ADAM7: variants seen among roughly 807,000 people sequenced by gnomAD.
The protein encoded by ADAM7 is disintegrin and metalloproteinase domain-containing protein 7.
In ADAM7, 97 loss-of-function variants were observed where a neutral mutation model predicts 102.9. The observed-to-expected ratio is 0.94, with a 90% CI of 0.80 to 1.12. The LOEUF (loss-of-function observed/expected upper bound fraction) is 1.12. Ranked by LOEUF, ADAM7 falls within the 50% of genes most tolerant of loss-of-function variation. ADAM7 has a pLI of 0.00. For synonymous variants in ADAM7, 334 were observed against 304.4 expected (o/e 1.10, Z -1.01); for missense variants, 991 against 908.7 (o/e 1.09, Z -1.16).
chr8:24,501,034 CT>C, intron 19 of ADAM7, 139 bp downstream of exon 19: 1 of 646,474 alleles, frequency 1.5e-6, no homozygotes. Context: ...GTAACTCAAG[CT>C]TTTATGTACT....
intron 3 of ADAM7, among the ~76,000 whole-genome samples, chr8:24,450,215 C>T (rs1261313490): frequency 1.3e-5 from 2 of 152,134 alleles, no homozygotes; most frequent in African/African-American, 4.8e-5. Context: ...ATGGGGATGG[C>T]ATTGAATCTG....
intron 7 of ADAM7, among the ~76,000 whole-genome samples, chr8:24,470,690 T>C (rs1479736750): frequency 6.6e-6 from 1 of 152,156 alleles, no homozygotes; most frequent in African/African-American, 2.4e-5. Flanking sequence ...CTCATGTGTC[T>C]GTGGTGATGC....
Position 24,442,457 on chromosome 8 carries a change from TTA to T in ADAM7, c.53-14_53-13del. 6.3e-7 allele frequency: 1 copy of T among 1,578,150 alleles called. No homozygotes were observed. The highest frequency in any genetic ancestry group is 8.7e-7 in the Non-Finnish European group (1 of 1,147,350). ...TTAATGTCAGACGGATTTTTTCCTC[TTA>T]TGTTTCCTCGTAGAAAAGTTCATCC... On this transcript the variant is annotated splice_polypyrimidine_tract_variant and intron_variant, in intron 1 of 21. Transcript: ENST00000175238.
At chr8:24,505,780 T>A (rs1027096820) in intron 20 of ADAM7, among the ~76,000 whole-genome samples, 7 of 152,172 alleles carry the variant, frequency 4.6e-5, no homozygotes, top group Admixed American at 4.6e-4. Context: ...GGAATTTTTG[T>A]ATTTTAATAG....
intron 7 of ADAM7, among the ~76,000 whole-genome samples, chr8:24,474,953 T>C (rs1038394329): frequency 6.6e-6 from 1 of 152,030 alleles, no homozygotes; most frequent in Non-Finnish European, 1.5e-5. Flanking sequence ...AATTTGAGCA[T>C]TGCAGTCAGA....
At chr8:24,471,490 AT>A (rs546759293) in intron 7 of ADAM7, among the ~76,000 whole-genome samples, 3 of 149,232 alleles carry the variant, frequency 2.0e-5, no homozygotes, top group African/African-American at 7.4e-5. Flanking sequence ...CATTTATACC[AT>A]TTTTTATTGT....
rs1386423568 is a variant in ADAM7 at position 24,487,280 on chromosome 8, T to C, written c.1054T>C (p.Cys352Arg). 2 of 1,613,738 alleles carry C rather than the reference T, an allele frequency of 1.2e-6. No individual in the cohort carries two copies. The highest frequency in any genetic ancestry group is 1.1e-5 in the South Asian group (1 of 91,078). The change falls in exon 11 of 22, where the codon TGT (cysteine) becomes CGT (arginine). Residue 352 changes from cysteine to arginine, a missense_variant. By Grantham distance (180) the Cys-to-Arg change is radical. Coordinates refer to ENST00000175238, the MANE Select transcript of ADAM7 (RefSeq NM_003817.4). ...GMQHDEFPCT[C>R]PSGKCVMDSD... ...GCAGCATGACGAGTTCCCATGCACCTGTCCTTCAGGAAAATGCGTGATGGA... is the reference window on the plus strand; with the variant it reads ...GCAGCATGACGAGTTCCCATGCACCCGTCCTTCAGGAAAATGCGTGATGGA...
At chr8:24,451,328 G>T (rs1166166204) in intron 3 of ADAM7, among the ~76,000 whole-genome samples, 20 of 152,196 alleles carry the variant, frequency 1.3e-4, no homozygotes, top group Non-Finnish European at 2.4e-4. Context: ...CAATTTCAGA[G>T]CCTGTTATTG....
intron 4 of ADAM7, 85 bp downstream of exon 4, chr8:24,464,045 C>T (rs1227090865): frequency 8.0e-7 from 1 of 1,247,232 alleles, no homozygotes; most frequent in African/African-American, 1.5e-5. Flanking sequence ...GCTGTACAAG[C>T]TGTTTCAGAA....
At chr8:24,489,362 T>C (rs753689849) in intron 12 of ADAM7, 29 bp downstream of exon 12, 1 of 1,584,838 alleles carries the variant, frequency 6.3e-7, no homozygotes, top group South Asian at 1.2e-5. Flanking sequence ...ATCTTTAAAT[T>C]GCAAAATTTA....
At chr8:24,485,722 T>C (rs1454361113) in intron 10 of ADAM7, among the ~76,000 whole-genome samples, 1 of 152,162 alleles carries the variant, frequency 6.6e-6, no homozygotes, top group African/African-American at 2.4e-5. Context: ...CTAGTGCTGA[T>C]AATAAGGCAC....
intron 5 of ADAM7, 67 bp from the exon 6 acceptor site, chr8:24,466,732 A>C: frequency 6.8e-7 from 1 of 1,465,162 alleles, no homozygotes; most frequent in Non-Finnish European, 9.3e-7. Context: ...TTGAAAAGGC[A>C]AAGTCAATAC....
chr8:24,503,028 G>A (rs9657285), intron 20 of ADAM7, among the ~76,000 whole-genome samples: 43,081 of 151,972 alleles, frequency 0.28, 6,703 homozygotes, highest in South Asian at 0.39. Flanking sequence ...ATCATATATA[G>A]AGGATAATGA....
At chr8:24,470,866 T>C (rs941046487) in intron 7 of ADAM7, among the ~76,000 whole-genome samples, 2 of 152,230 alleles carry the variant, frequency 1.3e-5, no homozygotes, top group African/African-American at 4.8e-5. Context: ...CTTATTGATA[T>C]ATTTAAAAAG....
At chr8:24,445,843 T>C (rs537532086) in intron 2 of ADAM7, among the ~76,000 whole-genome samples, 18 of 152,328 alleles carry the variant, frequency 1.2e-4, no homozygotes, top group Non-Finnish European at 2.9e-5. Context: ...TGAACCTCTG[T>C]CTGTTCTTCA....
At chr8:24,464,105 T>C in intron 4 of ADAM7, 145 bp downstream of exon 4, 5 of 678,656 alleles carry the variant, frequency 7.4e-6, no homozygotes, top group Non-Finnish European at 1.2e-5. Flanking sequence ...ACTGAAAAAT[T>C]ATAGTATAAA....
intron 20 of ADAM7, among the ~76,000 whole-genome samples, chr8:24,503,503 T>C (rs1820833025): frequency 6.6e-6 from 1 of 152,156 alleles, no homozygotes; most frequent in Non-Finnish European, 1.5e-5. Flanking sequence ...AAATACCATT[T>C]GACCCAGCAA....
At chr8:24,495,177 G>T (rs1820512409) in intron 16 of ADAM7, among the ~76,000 whole-genome samples, 1 of 152,178 alleles carries the variant, frequency 6.6e-6, no homozygotes, top group Admixed American at 6.6e-5. Context: ...TAAAACAACA[G>T]ATTTGAATAA....
chr8:24,476,365 A>C (rs1264158005), intron 7 of ADAM7, 68 bp from the exon 8 acceptor site: 6 of 1,162,012 alleles, frequency 5.2e-6, no homozygotes, highest in Non-Finnish European at 7.3e-6. Flanking sequence ...TGATGAATGA[A>C]GTATTTTGTT....
Sources: gnomAD v4.1 joint callset for allele counts (sites outside exome capture counted in the v4.1 genomes callset) on GRCh38, gnomAD v4.1.1 for gene constraint, MANE v1.5 for transcripts, NCBI Gene and HGNC (gene_info 2026-07-23, HGNC 2026-07-21) for gene names.